CADPS: variants seen among roughly 807,000 people sequenced by gnomAD.
CADPS encodes the protein calcium-dependent secretion activator 1.
In CADPS, 57 loss-of-function variants were observed where a neutral mutation model predicts 167.3. The ratio of observed to expected loss-of-function variants is 0.34; its 90% CI spans 0.28 to 0.42. CADPS has a LOEUF of 0.42. Ranked by LOEUF, CADPS falls within the 20% of genes least tolerant of loss-of-function variation. The pLI is 1.00. For missense variants in CADPS, 1,414 were observed against 1,738.1 expected (o/e 0.81, Z 3.32); for synonymous variants, 676 against 635.3 (o/e 1.06, Z -0.96).
At chr3:62,630,337 C>A (rs1401146858) in intron 6 of CADPS, among the ~76,000 whole-genome samples, 2 of 152,006 alleles carry the variant, frequency 1.3e-5, no homozygotes, top group Non-Finnish European at 2.9e-5. Flanking sequence ...TTTGCCCCAG[C>A]CTCTTTTATT....
chr3:62,554,091 T>C (rs1253003232), intron 10 of CADPS, among the ~76,000 whole-genome samples: 1 of 152,240 alleles, frequency 6.6e-6, no homozygotes, highest in Non-Finnish European at 1.5e-5. Context: ...ATAAGAATAA[T>C]TCAGTTGTTT....
chr3:62,752,175 G>A (rs1331763019), intron 3 of CADPS, among the ~76,000 whole-genome samples: 1 of 152,168 alleles, frequency 6.6e-6, no homozygotes, highest in Non-Finnish European at 1.5e-5. Context: ...GGTGGTGGAG[G>A]CTAACGCCAC....
intron 1 of CADPS, among the ~76,000 whole-genome samples, chr3:62,799,929 C>T (rs546778830): frequency 1.1e-4 from 17 of 152,268 alleles, no homozygotes; most frequent in Non-Finnish European, 1.2e-4. Flanking sequence ...GATAGAGCTT[C>T]TCTGCAGGGC....
At chr3:62,491,213 A>T in intron 21 of CADPS, 126 bp downstream of exon 21, 1 of 1,094,626 alleles carries the variant, frequency 9.1e-7, no homozygotes, top group Non-Finnish European at 1.3e-6. Context: ...ATAGTAGAAG[A>T]AATGTATGGT....
At chr3:62,682,318 T>C (rs965033250) in intron 3 of CADPS, among the ~76,000 whole-genome samples, 1 of 152,070 alleles carries the variant, frequency 6.6e-6, no homozygotes, top group Non-Finnish European at 1.5e-5. Context: ...TAGGAAGCAG[T>C]GAATCACTAA....
chr3:62,464,697 A>G (rs2059746877), intron 26 of CADPS, among the ~76,000 whole-genome samples: 1 of 152,204 alleles, frequency 6.6e-6, no homozygotes, highest in African/African-American at 2.4e-5. Context: ...AAATAATTAG[A>G]TCATATGTCC....
chr3:62,529,528 T>A (rs2073158334), intron 13 of CADPS, among the ~76,000 whole-genome samples: 1 of 152,172 alleles, frequency 6.6e-6, no homozygotes, highest in East Asian at 1.9e-4. Flanking sequence ...TCTTCCTAAT[T>A]GCAAGTTACT....
At chr3:62,668,146 A>G (rs531961099) in intron 3 of CADPS, among the ~76,000 whole-genome samples, 1 of 152,356 alleles carries the variant, frequency 6.6e-6, no homozygotes, top group East Asian at 1.9e-4. Flanking sequence ...ATGTGATTCA[A>G]ATACACAGAA....
At chr3:62,540,403 G>A (rs1049243107) in intron 11 of CADPS, among the ~76,000 whole-genome samples, 3 of 151,928 alleles carry the variant, frequency 2.0e-5, no homozygotes, top group African/African-American at 7.3e-5. Flanking sequence ...TCCCCTGCCA[G>A]CTCTTAGAGG....
chr3:62,670,596 G>A (rs968741664), intron 3 of CADPS, among the ~76,000 whole-genome samples: 7 of 151,992 alleles, frequency 4.6e-5, no homozygotes, highest in African/African-American at 1.7e-4. Flanking sequence ...CCAGTTTTAT[G>A]TCTTTGCTGG....
At chr3:62,808,194 C>G (rs185202948) in intron 1 of CADPS, among the ~76,000 whole-genome samples, 68 of 151,968 alleles carry the variant, frequency 4.5e-4, no homozygotes, top group African/African-American at 1.5e-3. Flanking sequence ...TTTCTAAACG[C>G]TGAATGTTTC....
intron 7 of CADPS, among the ~76,000 whole-genome samples, chr3:62,586,156 C>A (rs2084580751): frequency 6.6e-6 from 1 of 152,172 alleles, no homozygotes; most frequent in Non-Finnish European, 1.5e-5. Flanking sequence ...TTTGGAAAAT[C>A]CTTGAAACTA....
At chr3:62,641,435 A>G (rs1295775648) in intron 6 of CADPS, among the ~76,000 whole-genome samples, 1 of 152,068 alleles carries the variant, frequency 6.6e-6, no homozygotes, top group Non-Finnish European at 1.5e-5. Flanking sequence ...TAAGAGTGCC[A>G]CCCTTTGAAA....
rs1464618920 is a variant in CADPS at position 62,455,543 on chromosome 3, T to A, written c.3637-9746A>T. Among the ~76,000 whole-genome samples the A allele has an allele frequency of 6.6e-6, 1 of 152,168 alleles. No individual in the cohort carries two copies. Among genetic ancestry groups the A allele is most frequent in the Non-Finnish European group, 1.5e-5 (1 of 68,028 alleles). On this transcript the variant is annotated intron_variant, in intron 26 of 29. Coordinates refer to ENST00000383710, the MANE Select transcript of CADPS (RefSeq NM_003716.4). This position sits in a 1 kb window ranked among gnomAD's most constrained non-coding sequence, Gnocchi z 4.4. ...CACATTGTATGCTTTTCCATTTTGT[T>A]GATTTTTGTGACATGATCTTATTTT...
intron 1 of CADPS, among the ~76,000 whole-genome samples, chr3:62,774,495 T>A (rs1224374823): frequency 2.6e-5 from 4 of 152,200 alleles, no homozygotes; most frequent in Non-Finnish European, 5.9e-5. Flanking sequence ...CTTTCCCCTC[T>A]TAAAAATCAC....
chr3:62,692,154 T>C (rs1288434356), intron 3 of CADPS, among the ~76,000 whole-genome samples: 2 of 151,942 alleles, frequency 1.3e-5, no homozygotes, highest in Non-Finnish European at 2.9e-5. Context: ...CTGAACTGCC[T>C]TGGAGTTTGT....
At chr3:62,442,492 T>C (rs1354739051) in intron 27 of CADPS, among the ~76,000 whole-genome samples, 1 of 152,148 alleles carries the variant, frequency 6.6e-6, no homozygotes, top group African/African-American at 2.4e-5. Flanking sequence ...GTGCTGGTAT[T>C]ATAGGCGTGA....
At chr3:62,764,646 A>G (rs2086387338) in intron 2 of CADPS, among the ~76,000 whole-genome samples, 2 of 152,214 alleles carry the variant, frequency 1.3e-5, no homozygotes, top group African/African-American at 2.4e-5. Context: ...AAGTGGGAAG[A>G]AGAGTTTTGC....
chr3:62,512,769 C>G lies in CADPS; in HGVS notation c.2582-1G>C. On this transcript the variant is annotated splice_acceptor_variant, in intron 16 of 29. Transcript: ENST00000383710. LOFTEE classifies it high-confidence loss of function. ...GGTTCACCTGCATCCTTTTGATTCT[C>G]TATTTGAAAGAGAGAGCACAACAAG... is the stretch of plus-strand genomic sequence containing the variant. The G allele has an allele frequency of 6.2e-7, 1 of 1,604,096 alleles. No homozygotes were observed. Among genetic ancestry groups the G allele is most frequent in the Non-Finnish European group, 8.5e-7 (1 of 1,173,302 alleles).
Sources: gnomAD v4.1 joint callset for allele counts (sites outside exome capture counted in the v4.1 genomes callset) on GRCh38, gnomAD v4.1.1 for gene constraint, Gnocchi (gnomAD v3.1) non-coding constraint, MANE v1.5 for transcripts, NCBI Gene and HGNC (gene_info 2026-07-23, HGNC 2026-07-21) for gene names.